The following CENPP variants were observed in gnomAD, a reference collection of about 807,000 sequenced individuals.
CENPP encodes centromere protein P.
Under a neutral mutation model 35.6 loss-of-function variants are expected in CENPP, and 24 were observed. That is an observed-to-expected ratio of 0.67 (90% confidence interval 0.49 to 0.95). The LOEUF is 0.95. CENPP is among the 40% of genes least tolerant of loss of function. CENPP has a pLI of 0.00. For synonymous variants in CENPP, 120 were observed against 125.5 expected (o/e 0.96, Z 0.29); for missense variants, 332 against 345.3 (o/e 0.96, Z 0.31).
intron 5 of CENPP, among the ~76,000 whole-genome samples, chr9:92,433,372 T>G (rs1844166768): frequency 6.6e-6 from 1 of 152,068 alleles, no homozygotes; most frequent in African/African-American, 2.4e-5. Context: ...AGGAGTAAAT[T>G]CCTCCCGCAA....
chr9:92,371,063 G>T (rs112960548), intron 4 of CENPP, among the ~76,000 whole-genome samples: 29 of 151,762 alleles, frequency 1.9e-4, no homozygotes, highest in African/African-American at 5.8e-4. Flanking sequence ...TTGTTTTGTT[G>T]GTCCTTTGCA....
rs527518187 is a variant in CENPP, at chr9:92,419,185, C to A, written c.564+39326C>A. On this transcript the variant is annotated intron_variant, in intron 5 of 7. Coordinates refer to ENST00000375587, the MANE Select transcript of CENPP (RefSeq NM_001012267.3). ...ATGTCCCAGATGAGAAGCCTGAAAC[C>A]TATATTTCATTTCTGTCACTTAACA... Among the ~76,000 whole-genome samples the A allele has an allele frequency of 7.2e-5, 11 of 152,020 alleles. No individual in the cohort carries two copies. In the South Asian group the frequency reaches 2.1e-3, roughly 29 times the overall value.
Position 92,576,227 on chromosome 9 carries a change from T to C in CENPP, c.565-35087T>C, listed in dbSNP as rs547154268. 3.9e-5 allele frequency among the ~76,000 whole-genome samples: 6 copies of C among 152,374 alleles called. 1 individual carries two copies. The South Asian group carries it at 1.0e-3, about 26-fold the overall frequency. On this transcript the variant is annotated intron_variant, in intron 5 of 7. Coordinates refer to ENST00000375587, the MANE Select transcript of CENPP (RefSeq NM_001012267.3). ...AAATGGATGAAGTTTGTGGACATTA[T>C]GCTAAGTGATATAGCCAGTCACAAA...
At chr9:92,425,077 T>G (rs1564314144) in intron 5 of CENPP, among the ~76,000 whole-genome samples, 1 of 152,224 alleles carries the variant, frequency 6.6e-6, no homozygotes. Flanking sequence ...AACATAACAT[T>G]TCGCATTGTT....
At chr9:92,426,733 T>C (rs1047183304) in intron 5 of CENPP, among the ~76,000 whole-genome samples, 9 of 151,910 alleles carry the variant, frequency 5.9e-5, no homozygotes, top group Non-Finnish European at 1.3e-4. Flanking sequence ...ATAAGCGAGG[T>C]GAGGTGGTGA....
At chr9:92,602,693 C>A (rs1274030977) in intron 5 of CENPP, among the ~76,000 whole-genome samples, 1 of 152,088 alleles carries the variant, frequency 6.6e-6, no homozygotes, top group Non-Finnish European at 1.5e-5. Context: ...GGGGAAAAAC[C>A]CTGTGTGTGT....
intron 5 of CENPP, among the ~76,000 whole-genome samples, chr9:92,547,897 G>A (rs1194513768): frequency 6.6e-6 from 1 of 152,160 alleles, no homozygotes. Flanking sequence ...GCCCACTGAA[G>A]GCCCTGGCCA....
intron 4 of CENPP, among the ~76,000 whole-genome samples, chr9:92,353,901 C>T (rs1019290099): frequency 6.6e-6 from 1 of 152,154 alleles, no homozygotes; most frequent in African/African-American, 2.4e-5. Context: ...CATACATGGC[C>T]TTCTGGAGAG....
intron 5 of CENPP, among the ~76,000 whole-genome samples, chr9:92,509,743 G>C (rs1318323286): frequency 6.6e-6 from 1 of 152,178 alleles, no homozygotes; most frequent in Non-Finnish European, 1.5e-5. Context: ...CGTTTTACCA[G>C]TCAATAGTTA....
rs1290393738 is a variant in CENPP at position 92,402,424 on chromosome 9, G to A, written c.564+22565G>A. Among the ~76,000 whole-genome samples, 6 of 152,256 alleles carry A rather than the reference G, an allele frequency of 3.9e-5. No individual in the cohort carries two copies. The East Asian group carries it at 5.8e-4, about 15-fold the overall frequency. ...TGGAGAAGAACTTCTGAAACAATCA[G>A]TATTGTTATATATTTGGCTGAATTT... is the stretch of plus-strand genomic sequence containing the variant. On this transcript the variant is annotated intron_variant, in intron 5 of 7. Transcript: ENST00000375587.
intron 5 of CENPP, among the ~76,000 whole-genome samples, chr9:92,581,550 G>T (rs1850426105): frequency 6.6e-6 from 1 of 152,096 alleles, no homozygotes; most frequent in Non-Finnish European, 1.5e-5. Context: ...TGGTAGCTTC[G>T]TTACTCTCAG....
intron 5 of CENPP, among the ~76,000 whole-genome samples, chr9:92,581,652 G>A (rs964462965): frequency 1.3e-5 from 2 of 152,148 alleles, no homozygotes; most frequent in Non-Finnish European, 2.9e-5. Context: ...TAGAAACTGA[G>A]AGAATTTACC....
chr9:92,326,193 T>G, intron 1 of CENPP, 88 bp downstream of exon 1: 16 of 825,760 alleles, frequency 1.9e-5, no homozygotes, highest in East Asian at 5.7e-5. Flanking sequence ...CTCGGTCTCC[T>G]ACTCCCAGCC....
At chr9:92,458,813 A>C (rs1048428633) in intron 5 of CENPP, among the ~76,000 whole-genome samples, 19 of 152,324 alleles carry the variant, frequency 1.2e-4, no homozygotes, top group Non-Finnish European at 1.3e-4. Context: ...AAGTCAAAGC[A>C]AAAGTTGTGA....
intron 5 of CENPP, among the ~76,000 whole-genome samples, chr9:92,606,136 C>T (rs1851073945): frequency 6.6e-6 from 1 of 151,966 alleles, no homozygotes; most frequent in Admixed American, 6.6e-5. Flanking sequence ...GTGGCATGTG[C>T]CTGTAGTCCC....
At chr9:92,546,759 G>C (rs190288359) in intron 5 of CENPP, among the ~76,000 whole-genome samples, 1 of 152,216 alleles carries the variant, frequency 6.6e-6, no homozygotes, top group East Asian at 1.9e-4. Context: ...TTTTATGCTA[G>C]TAAATTGATA....
At chr9:92,435,223 C>T (rs1844219939) in intron 5 of CENPP, among the ~76,000 whole-genome samples, 4 of 152,050 alleles carry the variant, frequency 2.6e-5, no homozygotes, top group Admixed American at 6.6e-5. Flanking sequence ...ATTTATAAAT[C>T]CCCAAGGTTC....
chr9:92,609,760 G>C (rs1472026689), intron 5 of CENPP, among the ~76,000 whole-genome samples: 1 of 152,232 alleles, frequency 6.6e-6, no homozygotes, highest in Admixed American at 6.5e-5. Context: ...TTTTGAGATG[G>C]AGTTTCACTC....
rs569282022 is a variant in CENPP, at chr9:92,535,768, G to A, written c.565-75546G>A. Among the ~76,000 whole-genome samples, 8 of 152,038 alleles carry A rather than the reference G, an allele frequency of 5.3e-5. No individual in the cohort carries two copies. In the East Asian group the frequency reaches 1.5e-3, roughly 29 times the overall value. ...ATACAAGGTCTGAAATACTTGGGAA[G>A]TACATCGTGAAAAAAACAAACAGAA... On this transcript the variant is annotated intron_variant, in intron 5 of 7. Transcript: ENST00000375587.
Sources: gnomAD v4.1 joint callset for allele counts (sites outside exome capture counted in the v4.1 genomes callset) on GRCh38, gnomAD v4.1.1 for gene constraint, MANE v1.5 for transcripts, NCBI Gene and HGNC (gene_info 2026-07-23, HGNC 2026-07-21) for gene names.